Variants in ZNF804B observed in about 807,000 individuals in gnomAD.
The protein encoded by ZNF804B is zinc finger protein 804B.
Under a neutral mutation model 101.4 loss-of-function variants are expected in ZNF804B, and 80 were observed. The observed-to-expected ratio is 0.79, with a 90% confidence interval of 0.66 to 0.95. ZNF804B has a LOEUF of 0.95. Among genes scored for constraint, ZNF804B ranks in the 40% least tolerant of loss-of-function variants. ZNF804B has a pLI of 0.00. For synonymous variants in ZNF804B, 622 were observed against 558.8 expected (o/e 1.11, Z -1.59); for missense variants, 1,673 against 1,561.9 (o/e 1.07, Z -1.20).
At chr7:88,925,319 G>A (rs141584331) in intron 1 of ZNF804B, among the ~76,000 whole-genome samples, 2 of 152,174 alleles carry the variant, frequency 1.3e-5, no homozygotes, top group Admixed American at 6.6e-5. Flanking sequence ...GCAGAATCTT[G>A]TTCCCCCAAA....
At chr7:89,333,079 G>A (rs1211160589) in intron 3 of ZNF804B, among the ~76,000 whole-genome samples, 4 of 151,988 alleles carry the variant, frequency 2.6e-5, no homozygotes, top group African/African-American at 9.6e-5. Context: ...AGATTCTATA[G>A]GACATATATT....
At chr7:89,175,737 A>G (rs562459778) in intron 1 of ZNF804B, among the ~76,000 whole-genome samples, 1 of 152,066 alleles carries the variant, frequency 6.6e-6, no homozygotes, top group South Asian at 2.1e-4. Flanking sequence ...GTCCTTTTCA[A>G]TATTTTTCAT....
At position 89,334,068 on chromosome 7, in the gene ZNF804B, A is replaced by G. The variant is rs1050885767; in HGVS notation, c.1086A>G (p.Gln362=). The stretch of plus-strand genomic sequence containing the variant: ...AAAATTGTGTTAATCACCCATGCCA[A>G]GCAAATGCTTCCTTCAGCCCACCAA... ...TLENCVNHPC[Q]ANASFSPPNI... is the part of the protein sequence containing the mutation. Residue 362 remains glutamine, a synonymous_variant, in exon 4 of 4, where the codon CAA becomes CAG. Coordinates refer to ENST00000333190, the MANE Select transcript of ZNF804B (RefSeq NM_181646.5). 4 of 1,613,544 alleles carry G rather than the reference A, an allele frequency of 2.5e-6. No individual in the cohort carries two copies. The African/African-American group carries it at 5.3e-5, about 22-fold the overall frequency.
intron 1 of ZNF804B, among the ~76,000 whole-genome samples, chr7:88,861,891 T>C (rs570709432): frequency 5.3e-5 from 8 of 152,114 alleles, no homozygotes; most frequent in South Asian, 2.1e-4. Flanking sequence ...ATTAGAATTA[T>C]GGGAACAAGA....
At chr7:89,199,428 T>C (rs1335123071) in intron 1 of ZNF804B, among the ~76,000 whole-genome samples, 1 of 151,862 alleles carries the variant, frequency 6.6e-6, no homozygotes, top group Non-Finnish European at 1.5e-5. Flanking sequence ...AAAGACAAAA[T>C]AACCCAAAAC....
intron 1 of ZNF804B, among the ~76,000 whole-genome samples, chr7:88,780,578 G>T (rs1003496835): frequency 3.3e-5 from 5 of 151,396 alleles, no homozygotes; most frequent in African/African-American, 4.9e-5. Flanking sequence ...GTAGAGAAAG[G>T]GTTCCACCAT....
intron 1 of ZNF804B, among the ~76,000 whole-genome samples, chr7:88,811,148 T>C (rs777028266): frequency 2.6e-5 from 4 of 152,134 alleles, no homozygotes; most frequent in Non-Finnish European, 5.9e-5. Flanking sequence ...TTATGTTAAT[T>C]CTCTGACCAA....
intron 1 of ZNF804B, among the ~76,000 whole-genome samples, chr7:89,136,531 C>T (rs1052280893): frequency 1.3e-5 from 2 of 152,042 alleles, no homozygotes; most frequent in Non-Finnish European, 2.9e-5. Context: ...TGCCACCTTT[C>T]CCCCAGCTTT....
chr7:88,832,142 T>G (rs1791143182), intron 1 of ZNF804B, among the ~76,000 whole-genome samples: 1 of 150,750 alleles, frequency 6.6e-6, no homozygotes. Flanking sequence ...CCAATGGTGA[T>G]GCATTTCCAC....
At position 89,031,976 on chromosome 7, in the gene ZNF804B, T is replaced by TC. The variant is rs1245508491; in HGVS notation, c.109-186179_109-186178insC. Among the ~76,000 whole-genome samples, 3 of 152,108 alleles carry TC rather than the reference T, an allele frequency of 2.0e-5. No homozygotes were observed. The East Asian group carries it at 5.8e-4, about 29-fold the overall frequency. ...AATATTTGTGCAATAGGTTTTTTTT[T>TC]TTCTTGATACAACCTGTTCAGTGGC... On this transcript the variant is annotated intron_variant, in intron 1 of 3. Transcript: ENST00000333190.
intron 1 of ZNF804B, among the ~76,000 whole-genome samples, chr7:88,837,165 T>G (rs1271294085): frequency 1.3e-5 from 2 of 151,914 alleles, no homozygotes; most frequent in Non-Finnish European, 2.9e-5. Flanking sequence ...GTACACAATA[T>G]ATTTTTTTTT....
chr7:89,305,601 A>G (rs1198577225), intron 2 of ZNF804B, among the ~76,000 whole-genome samples: 1 of 152,018 alleles, frequency 6.6e-6, no homozygotes, highest in Non-Finnish European at 1.5e-5. Flanking sequence ...CAAATTTCCT[A>G]TAGTTGAAAT....
At chr7:89,307,212 C>A (rs564011830) in intron 2 of ZNF804B, among the ~76,000 whole-genome samples, 2 of 151,902 alleles carry the variant, frequency 1.3e-5, no homozygotes, top group Non-Finnish European at 2.9e-5. Flanking sequence ...AGTGCCTCTG[C>A]ATTTCAAACT....
At chr7:88,893,285 C>T (rs2115934855) in intron 1 of ZNF804B, among the ~76,000 whole-genome samples, 1 of 152,102 alleles carries the variant, frequency 6.6e-6, no homozygotes, top group South Asian at 2.1e-4. Flanking sequence ...AAAGGCATTT[C>T]AAAAATATGT....
chr7:88,845,850 C>T (rs563365094), intron 1 of ZNF804B, among the ~76,000 whole-genome samples: 2 of 152,204 alleles, frequency 1.3e-5, no homozygotes, highest in Admixed American at 6.5e-5. Flanking sequence ...TCCTTTTCAT[C>T]CCTGTTAGTC....
At chr7:88,801,173 C>A (rs1790575688) in intron 1 of ZNF804B, among the ~76,000 whole-genome samples, 1 of 151,808 alleles carries the variant, frequency 6.6e-6, no homozygotes, top group African/African-American at 2.4e-5. Flanking sequence ...AAAGCCAGTT[C>A]CCAGTCTTAC....
At chr7:89,269,528 G>A (rs182843420) in intron 2 of ZNF804B, among the ~76,000 whole-genome samples, 1 of 152,264 alleles carries the variant, frequency 6.6e-6, no homozygotes, top group Admixed American at 6.5e-5. Context: ...AAACATATAT[G>A]TGCATGTGTC....
Position 89,313,637 on chromosome 7 carries a change from G to C in ZNF804B, c.250-13707G>C, listed in dbSNP as rs555858473. On this transcript the variant is annotated intron_variant, in intron 2 of 3. Coordinates refer to ENST00000333190, the MANE Select transcript of ZNF804B (RefSeq NM_181646.5). ...CAAAGCATTCTTGCTGGCAGGTAGG[G>C]GAATAAAGATTTTTTAGTTTGTGTT... is the stretch of plus-strand genomic sequence containing the variant. Among the ~76,000 whole-genome samples the C allele has an allele frequency of 2.0e-5, 3 of 152,222 alleles. No homozygotes were observed. The South Asian group carries it at 6.2e-4, about 32-fold the overall frequency.
chr7:89,329,736 T>C (rs967914589), intron 3 of ZNF804B, among the ~76,000 whole-genome samples: 16 of 151,628 alleles, frequency 1.1e-4, no homozygotes, highest in African/African-American at 3.6e-4. Flanking sequence ...TAAGTTTTAG[T>C]ACATCTTAAT....
Sources: allele counts gnomAD v4.1 joint callset (sites outside exome capture counted in the v4.1 genomes callset), GRCh38; gene constraint gnomAD v4.1.1; transcripts MANE v1.5; gene names NCBI Gene and HGNC (gene_info 2026-07-23, HGNC 2026-07-21).